ANO10: variants seen among roughly 807,000 people sequenced by gnomAD.
ANO10 encodes the protein anoctamin-10.
Under a neutral mutation model 74.7 loss-of-function variants are expected in ANO10, and 77 were observed. The ratio of observed to expected loss-of-function variants is 1.03; its 90% CI spans 0.86 to 1.25. The LOEUF (loss-of-function observed/expected upper bound fraction) is 1.25. ANO10 is among the 50% of genes most tolerant of loss of function. The probability of loss-of-function intolerance (pLI) is 0.00; values close to 1 mark genes in which losing one functional copy is unlikely to be tolerated. For missense variants in ANO10, 721 were observed against 778.1 expected, an observed-to-expected ratio of 0.93 and a Z score of 0.87; for synonymous variants, 279 against 284.9, an observed-to-expected ratio of 0.98 and a Z score of 0.21.
chr3:43,415,304 A>G (rs2148900782), intron 12 of ANO10, among the ~76,000 whole-genome samples: 1 of 151,918 alleles, frequency 6.6e-6, no homozygotes, highest in African/African-American at 2.4e-5. Context: ...GAAGAAACTG[A>G]GGCCGAGAGG....
chr3:43,469,397 A>C (rs2075764212), intron 11 of ANO10, among the ~76,000 whole-genome samples: 1 of 152,110 alleles, frequency 6.6e-6, no homozygotes, highest in African/African-American at 2.4e-5. Context: ...TCAGGTTTAT[A>C]TTGATTTCAT....
At chr3:43,507,686 T>C (rs966003039) in intron 11 of ANO10, among the ~76,000 whole-genome samples, 3 of 151,906 alleles carry the variant, frequency 2.0e-5, no homozygotes, top group Non-Finnish European at 4.4e-5. Context: ...TCCTGATGGA[T>C]GAGGGTAGCC....
At chr3:43,681,155 C>T (rs2084192150) in intron 1 of ANO10, among the ~76,000 whole-genome samples, 1 of 151,998 alleles carries the variant, frequency 6.6e-6, no homozygotes, top group African/African-American at 2.4e-5. Context: ...AGACTCAAGA[C>T]CCATCAGTGT....
intron 4 of ANO10, among the ~76,000 whole-genome samples, chr3:43,590,730 G>C (rs1335867251): frequency 1.3e-5 from 2 of 152,212 alleles, no homozygotes; most frequent in Non-Finnish European, 2.9e-5. Flanking sequence ...ATCTCAGTTT[G>C]AGCAAACAAG....
chr3:43,392,903 G>A (rs568284406), intron 12 of ANO10, among the ~76,000 whole-genome samples: 2 of 152,292 alleles, frequency 1.3e-5, no homozygotes, highest in African/African-American at 4.8e-5. Context: ...ACCCGTGACC[G>A]CCATATTGTT....
At chr3:43,606,153 G>T (rs1445495193) in intron 1 of ANO10, among the ~76,000 whole-genome samples, 1 of 152,094 alleles carries the variant, frequency 6.6e-6, no homozygotes, top group Non-Finnish European at 1.5e-5. Flanking sequence ...TCACACAAGC[G>T]GAATAAGAAA....
At chr3:43,372,845 A>T in intron 12 of ANO10, 1 of 1,535,368 alleles carries the variant, frequency 6.5e-7, no homozygotes, top group Non-Finnish European at 8.7e-7. Context: ...TGCAGCTTGC[A>T]GCCTGCAGTA....
chr3:43,373,610 AG>A (rs2091695140), intron 12 of ANO10, among the ~76,000 whole-genome samples: 1 of 152,214 alleles, frequency 6.6e-6, no homozygotes, highest in South Asian at 2.1e-4. Flanking sequence ...GGACTTTGAA[AG>A]GAGATATTTT....
intron 1 of ANO10, among the ~76,000 whole-genome samples, chr3:43,653,340 G>A (rs1208274885): frequency 6.6e-6 from 1 of 151,610 alleles, no homozygotes; most frequent in East Asian, 1.9e-4. Context: ...TTAATGGATA[G>A]TTAAAGAAAT....
chr3:43,456,347 A>G (rs1044482053), intron 11 of ANO10, among the ~76,000 whole-genome samples: 2 of 152,208 alleles, frequency 1.3e-5, no homozygotes, highest in African/African-American at 4.8e-5. Flanking sequence ...TAAAGGTGCT[A>G]AAAATCTGCT....
At chr3:43,687,825 A>C (rs1211348939) in intron 1 of ANO10, among the ~76,000 whole-genome samples, 2 of 152,042 alleles carry the variant, frequency 1.3e-5, no homozygotes, top group African/African-American at 4.8e-5. Context: ...GCAGTGGTTA[A>C]AGTATGTGGG....
upstream of ANO10, among the ~76,000 whole-genome samples, chr3:43,624,528 C>A (rs148208022): frequency 7.7e-4 from 118 of 152,264 alleles, no homozygotes; most frequent in African/African-American, 2.6e-3. Flanking sequence ...CTCTGTTGCT[C>A]CTGCTCTCGC....
Position 43,602,769 on chromosome 3 carries a change from G to A in ANO10, c.140-2188C>T, listed in dbSNP as rs567556669. On this transcript the variant is annotated intron_variant, in intron 2 of 12. Transcript: ENST00000292246. ...CTCTGTGAGGCTAAATGGAACTTCT[G>A]AGGGCTTATATGGAGCTCATCAAGG... 2.2e-3 allele frequency among the ~76,000 whole-genome samples: 333 copies of A among 152,344 alleles called. 1 individual carries two copies. Among genetic ancestry groups the A allele is most frequent in the Non-Finnish European group, 3.9e-3 (267 of 68,022 alleles).
rs151206509 is a variant in ANO10 at position 43,420,280 on chromosome 3, T to C, written c.1914+12331A>G. 1.6e-3 allele frequency among the ~76,000 whole-genome samples: 240 copies of C among 151,920 alleles called. 1 individual carries two copies. The highest frequency in any genetic ancestry group is 4.0e-3 in the South Asian group (19 of 4,802). On this transcript the variant is annotated intron_variant, in intron 12 of 12. Transcript: ENST00000292246. Reference sequence around the variant, plus strand: ...GGGCAACATGATGAAACCCTGTCTCTACAAAAAATACAAAAATTAGCCCTT... The same window carrying C: ...GGGCAACATGATGAAACCCTGTCTCCACAAAAAATACAAAAATTAGCCCTT...
At chr3:43,386,730 G>A (rs2092131850) in intron 12 of ANO10, among the ~76,000 whole-genome samples, 1 of 151,736 alleles carries the variant, frequency 6.6e-6, no homozygotes, top group Non-Finnish European at 1.5e-5. Context: ...GGGAGAATGA[G>A]CAGGGGTCAT....
chr3:43,406,035 C>T (rs907978032), intron 12 of ANO10, among the ~76,000 whole-genome samples: 3 of 152,190 alleles, frequency 2.0e-5, no homozygotes, highest in African/African-American at 7.2e-5. Flanking sequence ...AAGAAATCAT[C>T]ACCCCAGAGC....
At chr3:43,369,168 G>A (rs1305891851) in intron 12 of ANO10, among the ~76,000 whole-genome samples, 2 of 152,238 alleles carry the variant, frequency 1.3e-5, no homozygotes, top group African/African-American at 2.4e-5. Context: ...TAACTGATGT[G>A]CCCATGAGGG....
chr3:43,442,151 T>G (rs1025504032), intron 11 of ANO10, among the ~76,000 whole-genome samples: 2 of 152,074 alleles, frequency 1.3e-5, no homozygotes, highest in Admixed American at 6.5e-5. Flanking sequence ...AGTCCAGTAC[T>G]TTCTTAATTG....
intron 4 of ANO10, among the ~76,000 whole-genome samples, chr3:43,594,632 A>G (rs1241109499): frequency 7.9e-5 from 12 of 152,362 alleles, no homozygotes; most frequent in East Asian, 5.8e-4. Flanking sequence ...GGAAATTTAT[A>G]GCACTAAATG....
Sources: allele counts gnomAD v4.1 joint callset (sites outside exome capture counted in the v4.1 genomes callset), GRCh38; gene constraint gnomAD v4.1.1; transcripts MANE v1.5; gene names NCBI Gene and HGNC (gene_info 2026-07-23, HGNC 2026-07-21).